The following RANBP2 variants were observed in gnomAD, a reference collection of about 807,000 sequenced individuals.
The protein encoded by RANBP2 is RAN binding protein 2.
Under a neutral mutation model 303.6 loss-of-function variants are expected in RANBP2, and 57 were observed. The observed-to-expected ratio is 0.19, with a 90% CI of 0.15 to 0.23. RANBP2 has a LOEUF of 0.23. Among genes scored for constraint, RANBP2 ranks in the 10% least tolerant of loss-of-function variants. RANBP2 has a pLI of 1.00. For synonymous variants in RANBP2, 1,167 were observed against 1,301.5 expected (o/e 0.90, Z 2.23); for missense variants, 3,138 against 3,780.8 (o/e 0.83, Z 4.46).
At chr2:108,807,790 G>A in the RANBP2 span, among the ~76,000 whole-genome samples, 7 of 152,038 alleles carry the variant, frequency 4.6e-5, no homozygotes, top group East Asian at 1.9e-4. Context: ...GCTAATTTTT[G>A]TATTTTTAGT....
chr2:108,744,850 T>G (rs1696392317), intron 7 of RANBP2, among the ~76,000 whole-genome samples: 1 of 152,248 alleles, frequency 6.6e-6, no homozygotes, highest in Admixed American at 6.5e-5. Flanking sequence ...ATGTTATTGC[T>G]TTCTTGTGTG....
the RANBP2 span, among the ~76,000 whole-genome samples, chr2:109,093,684 A>G: frequency 6.6e-6 from 1 of 152,268 alleles, no homozygotes; most frequent in African/African-American, 2.4e-5. Context: ...ACTGATATAC[A>G]AGCTATATGT....
the RANBP2 span, among the ~76,000 whole-genome samples, chr2:109,276,927 G>A: frequency 6.6e-6 from 1 of 152,100 alleles, no homozygotes; most frequent in African/African-American, 2.4e-5. Flanking sequence ...TTCATGTTTC[G>A]GGGAGGGTGT....
chr2:109,476,492 C>A, the RANBP2 span, among the ~76,000 whole-genome samples: 1 of 152,192 alleles, frequency 6.6e-6, no homozygotes, highest in African/African-American at 2.4e-5. Flanking sequence ...GGTCTAGAAC[C>A]CAAGATATTT....
chr2:109,354,991 G>A, the RANBP2 span, among the ~76,000 whole-genome samples: 1 of 152,220 alleles, frequency 6.6e-6, no homozygotes, highest in East Asian at 1.9e-4. Flanking sequence ...CACTTAGGAA[G>A]AAAGGTGATA....
At chr2:109,009,802 C>T in the RANBP2 span, among the ~76,000 whole-genome samples, 3 of 151,802 alleles carry the variant, frequency 2.0e-5, no homozygotes, top group Non-Finnish European at 4.4e-5. Flanking sequence ...CCACCTCGGC[C>T]TCCCAAGGCA....
the RANBP2 span, among the ~76,000 whole-genome samples, chr2:108,892,215 A>G: frequency 6.6e-6 from 1 of 152,166 alleles, no homozygotes. Context: ...CCACAGTCCC[A>G]GTGGGGCTTG....
the RANBP2 span, among the ~76,000 whole-genome samples, chr2:109,078,276 A>ATATATATATATATATATATATATAGCGTG: frequency 1.3e-5 from 1 of 76,802 alleles, no homozygotes; most frequent in African/African-American, 6.4e-5. Flanking sequence ...GCGTATATAT[A>ATATATATATATATATATATATATAGCGTG]TATATATATA....
chr2:108,958,413 A>C, the RANBP2 span, among the ~76,000 whole-genome samples: 1 of 151,602 alleles, frequency 6.6e-6, no homozygotes, highest in African/African-American at 2.4e-5. Context: ...CAGCAGGAAA[A>C]AAAAAACAAA....
the RANBP2 span, among the ~76,000 whole-genome samples, chr2:109,433,815 C>T: frequency 6.6e-6 from 1 of 152,152 alleles, no homozygotes; most frequent in Non-Finnish European, 1.5e-5. Flanking sequence ...AGTTAGAGAT[C>T]CTTCGCTCAG....
At chr2:109,424,773 T>C in the RANBP2 span, among the ~76,000 whole-genome samples, 1 of 152,272 alleles carries the variant, frequency 6.6e-6, no homozygotes, top group South Asian at 2.1e-4. Context: ...CCATCTCTCT[T>C]TCTCTCCCCA....
chr2:109,110,764 T>C, the RANBP2 span, among the ~76,000 whole-genome samples: 1 of 152,192 alleles, frequency 6.6e-6, no homozygotes, highest in Non-Finnish European at 1.5e-5. Context: ...CAGCTGTCCA[T>C]GCCTTCTTGG....
the RANBP2 span, among the ~76,000 whole-genome samples, chr2:109,386,649 T>C: frequency 6.6e-6 from 1 of 152,186 alleles, no homozygotes; most frequent in African/African-American, 2.4e-5. Context: ...CTCTTAGAGC[T>C]TATCCTAGGG....
the RANBP2 span, chr2:109,615,463 C>G: frequency 1.2e-6 from 2 of 1,613,360 alleles, no homozygotes; most frequent in Non-Finnish European, 1.7e-6. Flanking sequence ...GTCAACTTCG[C>G]CAACAAACAC....
At chr2:109,090,388 G>C in the RANBP2 span, among the ~76,000 whole-genome samples, 1 of 151,326 alleles carries the variant, frequency 6.6e-6, no homozygotes, top group African/African-American at 2.4e-5. Flanking sequence ...AGAATATTAA[G>C]TGCAAAGAGC....
the RANBP2 span, among the ~76,000 whole-genome samples, chr2:109,590,048 A>G: frequency 6.9e-6 from 1 of 144,118 alleles, no homozygotes. Flanking sequence ...ACACATATAT[A>G]TGTGTGTGTA....
At chr2:109,293,874 C>T in the RANBP2 span, among the ~76,000 whole-genome samples, 40 of 152,330 alleles carry the variant, frequency 2.6e-4, no homozygotes, top group East Asian at 7.7e-3. Context: ...ACATTTCCCT[C>T]CTGTGAAACA....
chr2:109,357,469 C>T, the RANBP2 span, among the ~76,000 whole-genome samples: 1 of 152,232 alleles, frequency 6.6e-6, no homozygotes, highest in Non-Finnish European at 1.5e-5. Context: ...GCGTGAGCCA[C>T]CGCACCCGGC....
At chr2:108,877,984 G>A in the RANBP2 span, among the ~76,000 whole-genome samples, 1 of 152,210 alleles carries the variant, frequency 6.6e-6, no homozygotes, top group Non-Finnish European at 1.5e-5. Flanking sequence ...TCTCCCTAGT[G>A]AAGATGCCTT....
Sources: allele counts gnomAD v4.1 joint callset (sites outside exome capture counted in the v4.1 genomes callset), GRCh38; gene constraint gnomAD v4.1.1; transcripts MANE v1.5; gene names NCBI Gene and HGNC (gene_info 2026-07-23, HGNC 2026-07-21).